The following BCAR1 variants were observed in gnomAD, a reference collection of about 807,000 sequenced individuals.
BCAR1 encodes the protein BCAR1 scaffold protein, Cas family member.
BCAR1 carries 30 observed loss-of-function variants against 67.6 expected under a neutral mutation model. The observed-to-expected ratio is 0.44, with a 90% CI of 0.33 to 0.60. The LOEUF (loss-of-function observed/expected upper bound fraction) is 0.60, where lower values mean the gene tolerates loss of function less well. Among genes scored for constraint, BCAR1 ranks in the 20% least tolerant of loss-of-function variants. The pLI is 0.02. For missense variants in BCAR1, 1,313 were observed against 1,222.3 expected (o/e 1.07, Z -1.11); for synonymous variants, 626 against 556.7 (o/e 1.12, Z -1.75).
rs532358202 is a variant in BCAR1, at chr16:75,243,044, T to A, written c.59A>T (p.Asp20Val). The A allele has an allele frequency of 6.2e-7, 1 of 1,608,804 alleles. No homozygotes were observed. The highest frequency in any genetic ancestry group is 1.3e-5 in the African/African-American group (1 of 74,944). Residue 20 changes from aspartate to valine, a missense_variant, in exon 2 of 7, where the codon GAT becomes GTT. Asp to Val is a radical substitution (Grantham distance 152). Around this residue, in one of 2 missense-constraint regions of BCAR1, gnomAD observed 41 missense variants for 84.8 expected, o/e 0.48. Coordinates refer to ENST00000162330, the MANE Select transcript of BCAR1 (RefSeq NM_014567.5). ...GTCACCCTTGCGGAAGGAGAGCTCA[T>A]CCGGGGACTCGGCCACATTGTCATA... The part of the protein sequence containing the change: ...ALYDNVAESP[D>V]ELSFRKGDIM...
intron 6 of BCAR1, among the ~76,000 whole-genome samples, chr16:75,232,997 T>C (rs2076953873): frequency 6.6e-6 from 1 of 152,212 alleles, no homozygotes; most frequent in South Asian, 2.1e-4. Flanking sequence ...TTTTTTTACA[T>C]ACCTCTTTCC....
At chr16:75,247,007 C>T (rs2077540358) in intron 1 of BCAR1, 1 of 152,352 alleles carries the variant, frequency 6.6e-6, no homozygotes, top group African/African-American at 2.4e-5. Context: ...TTCTCTGGTA[C>T]CCTACTCCTG....
chr16:75,248,338 T>G, intron 1 of BCAR1: 1 of 1,343,174 alleles, frequency 7.4e-7, no homozygotes, highest in Non-Finnish European at 9.6e-7. Flanking sequence ...ACTTCTTTCA[T>G]ACCCAGAACC....
chr16:75,250,295 C>T (rs1350777000), intron 1 of BCAR1, among the ~76,000 whole-genome samples: 7 of 152,156 alleles, frequency 4.6e-5, no homozygotes, highest in African/African-American at 7.2e-5. Context: ...CCGCCACCCC[C>T]GTACCTGGGC....
chr16:75,265,927 G>C (rs1205763803), intron 1 of BCAR1: 7 of 1,101,756 alleles, frequency 6.4e-6, no homozygotes, highest in Non-Finnish European at 6.6e-6. Context: ...CCCGCGAGGG[G>C]TCCCGGCGCT....
At chr16:75,250,610 G>A (rs1003225852) in intron 1 of BCAR1, 2 of 982,922 alleles carry the variant, frequency 2.0e-6, no homozygotes, top group Non-Finnish European at 2.4e-6. Context: ...ACATCTTCCA[G>A]GCCGTAAGCC....
chr16:75,259,310 C>G (rs552175453), intron 1 of BCAR1, among the ~76,000 whole-genome samples: 1 of 152,332 alleles, frequency 6.6e-6, no homozygotes, highest in East Asian at 1.9e-4. Context: ...ATTTTGCCAA[C>G]AATAGTGCCA....
chr16:75,250,746 A>T, intron 1 of BCAR1: 1 of 985,308 alleles, frequency 1.0e-6, no homozygotes, highest in Non-Finnish European at 1.2e-6. Context: ...TCCCCCAACC[A>T]TGGACTCCAA....
At chr16:75,254,547 G>A (rs562314581), upstream of BCAR1, among the ~76,000 whole-genome samples, 1 of 152,348 alleles carries the variant, frequency 6.6e-6, no homozygotes, top group Non-Finnish European at 1.5e-5. Context: ...ACGCCTAAGT[G>A]CAGAGGCACA....
At chr16:75,264,850 G>C (rs2077970173) in intron 1 of BCAR1, 1 of 212,950 alleles carries the variant, frequency 4.7e-6, no homozygotes, top group African/African-American at 2.3e-5. Context: ...CCCCTAACTA[G>C]GCAGGGAAAC....
At chr16:75,250,195 T>C (rs1206482780) in intron 1 of BCAR1, 1 of 152,768 alleles carries the variant, frequency 6.5e-6, no homozygotes, top group South Asian at 2.1e-4. Flanking sequence ...GGGACTGCCC[T>C]GCCCTGCCCT....
rs1482366170 is a variant in BCAR1, at chr16:75,235,586, C to T, written c.1313G>A (p.Ser438Asn). The T allele has an allele frequency of 1.3e-6, 2 of 1,592,022 alleles. No homozygotes were observed. The highest frequency in any genetic ancestry group is 1.7e-6 in the Non-Finnish European group (2 of 1,169,206). Residue 438 changes from serine (S) to asparagine (N), a missense_variant, in exon 5 of 7, where the codon AGC (serine) becomes AAC (asparagine). By Grantham distance (46) the Ser-to-Asn change is conservative. Coordinates refer to ENST00000162330, the MANE Select transcript of BCAR1 (RefSeq NM_014567.5). ...CACCTCCAAGGAGGACGCAGACTGGCTGCTGCGTGTGCTGCCGGTGCTGGA... is the reference window on the plus strand; with the variant it reads ...CACCTCCAAGGAGGACGCAGACTGGTTGCTGCGTGTGCTGCCGGTGCTGGA... ...SASSTGSTRS[S>N]QSASSLEVAG...
At chr16:75,239,225 GC>G in intron 2 of BCAR1, 1 of 639,504 alleles carries the variant, frequency 1.6e-6, no homozygotes, top group East Asian at 1.4e-4. Context: ...CCACTAGCAG[GC>G]CGTGGAGGTC....
rs2076788059 is a variant in BCAR1, at chr16:75,228,731, C to T, written c.*780G>A. 1 of 152,320 alleles carries T rather than the reference C, an allele frequency of 6.6e-6. No individual in the cohort carries two copies. The highest frequency in any genetic ancestry group is 2.1e-4 in the South Asian group (1 of 4,840). The allele number at this position is 152,320 out of a possible 1,614,324, so 9.4% of individuals were successfully genotyped here. On this transcript the variant is annotated 3_prime_UTR_variant, in exon 7 of 7. Coordinates refer to ENST00000162330, the MANE Select transcript of BCAR1 (RefSeq NM_014567.5). The stretch of plus-strand genomic sequence containing the variant: ...GGGCAGGTGCTCACTGTGGCAGCTC[C>T]CTAGGGTTGCAGGGGCCATGCCCAG...
intron 4 of BCAR1, chr16:75,236,387 T>A: frequency 3.2e-6 from 1 of 312,948 alleles, no homozygotes; most frequent in Non-Finnish European, 5.9e-6. Flanking sequence ...CATCATATCA[T>A]GATTTCATCA....
At chr16:75,251,847 T>C (rs186403511), upstream of BCAR1, 2,319 of 226,312 alleles carry the variant, frequency 0.01, 18 homozygotes, top group Non-Finnish European at 0.013. Flanking sequence ...GCTTCCAGCC[T>C]AGGGCGCAGG....
In BCAR1 at chr16:75,242,545, C is replaced by T. The variant is rs779483604; in HGVS notation, c.558G>A (p.Gly186=). The T allele has an allele frequency of 6.7e-7, 1 of 1,492,390 alleles. No homozygotes were observed. Among genetic ancestry groups the T allele is most frequent in the African/African-American group, 1.4e-5 (1 of 70,968 alleles). The allele number at this position is 1,492,390 out of a possible 1,614,324, so 92.4% of individuals were successfully genotyped here. The part of the protein sequence containing the change: ...QDIYQVPPSA[G]MGHDIYQVPP... Reference sequence around the variant, plus strand: ...GGACCTGGTAGATGTCATGCCCCATCCCGGCAGAAGGTGGCACCTGGTAAA... The same window carrying T: ...GGACCTGGTAGATGTCATGCCCCATTCCGGCAGAAGGTGGCACCTGGTAAA... The change falls in exon 2 of 7, where the codon GGG becomes GGA. Residue 186 remains glycine (G), a synonymous_variant. Transcript: ENST00000162330.
In BCAR1 at chr16:75,230,043, G is replaced by A; in HGVS notation, c.2101-20C>T. On this transcript the variant is annotated intron_variant, in intron 6 of 6. Transcript: ENST00000162330. ...CTTCAGCTGGGGCAGGAGGGAAGCA[G>A]GAGCAGGGTTAGGCTCTCGGGTGAG... The A allele has an allele frequency of 6.6e-7, 1 of 1,522,850 alleles. No individual in the cohort carries two copies. The highest frequency in any genetic ancestry group is 8.8e-7 in the Non-Finnish European group (1 of 1,134,904). 94.3% of individuals were successfully genotyped at this position (1,522,850 alleles called of 1,614,324 possible).
intron 2 of BCAR1, chr16:75,238,386 C>A (rs373550447): frequency 6.4e-6 from 7 of 1,093,276 alleles, no homozygotes; most frequent in East Asian, 2.0e-4. Flanking sequence ...ATGTCTGGGA[C>A]AGGGTTGACT....
Sources: allele counts gnomAD v4.1 joint callset (sites outside exome capture counted in the v4.1 genomes callset), GRCh38; gene constraint gnomAD v4.1.1; regional missense constraint gnomAD v4.1.1; transcripts MANE v1.5; gene names NCBI Gene and HGNC (gene_info 2026-07-23, HGNC 2026-07-21).